Variants in PRR14L observed in about 807,000 individuals in gnomAD.
The protein encoded by PRR14L is protein PRR14L.
In PRR14L, 80 loss-of-function variants were observed where a neutral mutation model predicts 155.0. The ratio of observed to expected loss-of-function variants is 0.52; its 90% confidence interval spans 0.43 to 0.62. The LOEUF (loss-of-function observed/expected upper bound fraction) is 0.62, where lower values mean the gene tolerates loss of function less well. Ranked by LOEUF, PRR14L falls within the 20% of genes least tolerant of loss-of-function variation. PRR14L has a pLI of 0.00. For synonymous variants in PRR14L, 883 were observed against 916.0 expected, an observed-to-expected ratio of 0.96 and a Z score of 0.65; for missense variants, 2,469 against 2,548.0, an observed-to-expected ratio of 0.97 and a Z score of 0.67.
intron 7 of PRR14L, among the ~76,000 whole-genome samples, chr22:31,693,947 C>T (rs2147853815): frequency 6.6e-6 from 1 of 152,220 alleles, no homozygotes; most frequent in Non-Finnish European, 1.5e-5. Flanking sequence ...CTTCATTATT[C>T]ATATTTTCAA....
In PRR14L at chr22:31,704,678, A is replaced by G. The variant is rs781571427; in HGVS notation, c.5805T>C (p.Tyr1935=). ...ACCTCGTCTGACTGCCGCTGGTGTT[A>G]TATGTAGCTTCCATGCCTGGAAGAG... ...YVPLPGMEAT[Y]NTSGSQTRLE... Residue 1935 remains tyrosine (Y), a synonymous_variant, in exon 5 of 9, where the codon TAT becomes TAC. Transcript: ENST00000327423. The G allele has an allele frequency of 1.5e-5, 24 of 1,613,848 alleles. No homozygotes were observed. Among genetic ancestry groups the G allele is most frequent in the Non-Finnish European group, 1.8e-5 (21 of 1,179,924 alleles).
intron 7 of PRR14L, among the ~76,000 whole-genome samples, chr22:31,698,915 G>A (rs1488495447): frequency 6.7e-6 from 1 of 149,996 alleles, no homozygotes; most frequent in Non-Finnish European, 1.5e-5. Flanking sequence ...GAGCGAGACT[G>A]TGTAAAAAAA....
In PRR14L at chr22:31,712,857, T is replaced by C. The variant is rs1219810216; in HGVS notation, c.4982A>G (p.Asp1661Gly). ...YKRLRYKRLL[D>G]GFSSSTEQLN... ...CTGCTCTGTGCTGGATGAAAATCCGTCCAGGAGTCTTTTATATCTGAGGCG... is the reference window on the plus strand; with the variant it reads ...CTGCTCTGTGCTGGATGAAAATCCGCCCAGGAGTCTTTTATATCTGAGGCG... The change falls in exon 4 of 9, where the codon GAC (aspartate) becomes GGC (glycine). Residue 1661 changes from aspartate (D) to glycine (G), a missense_variant. Coordinates refer to ENST00000327423, the MANE Select transcript of PRR14L (RefSeq NM_173566.3). 7 of 1,551,890 alleles carry C rather than the reference T, an allele frequency of 4.5e-6. No individual in the cohort carries two copies. The African/African-American group carries it at 9.6e-5, about 21-fold the overall frequency.
intron 7 of PRR14L, among the ~76,000 whole-genome samples, chr22:31,692,056 T>C (rs558110873): frequency 2.3e-4 from 35 of 151,962 alleles, no homozygotes; most frequent in African/African-American, 8.4e-4. Flanking sequence ...TTAGTGGAGA[T>C]GGGGTTTCAC....
Position 31,713,440 on chromosome 22 carries a change from G to C in PRR14L, c.4399C>G (p.Gln1467Glu). Residue 1467 changes from glutamine (Q) to glutamate (E), a missense_variant, in exon 4 of 9, where the codon CAG becomes GAG. Physicochemically the swap from Gln to Glu is conservative, Grantham distance 29. Coordinates refer to ENST00000327423, the MANE Select transcript of PRR14L (RefSeq NM_173566.3). ...GGATGATGTAACCTTTCCTCCTTCT[G>C]GTCTTCTAACTTCTGAGTCTGTGCC... ...IVAQTQKLED[Q>E]KEERLHHPLR... 6.4e-7 allele frequency: 1 copy of C among 1,551,714 alleles called. No homozygotes were observed.
chr22:31,685,911 G>A (rs2074479844), intron 8 of PRR14L, 108 bp from the exon 9 acceptor site: 7 of 981,638 alleles, frequency 7.1e-6, no homozygotes, highest in South Asian at 1.7e-5. Flanking sequence ...AGTCAACAGG[G>A]ACTGAAAGCT....
chr22:31,728,005 T>G (rs939043581), intron 2 of PRR14L, among the ~76,000 whole-genome samples: 1 of 150,428 alleles, frequency 6.6e-6, no homozygotes, highest in African/African-American at 2.4e-5. Flanking sequence ...GAAAAGAAAT[T>G]GAATCAATCG....
chr22:31,728,877 T>C (rs555067210), intron 2 of PRR14L, among the ~76,000 whole-genome samples: 11 of 152,292 alleles, frequency 7.2e-5, no homozygotes, highest in Admixed American at 2.0e-4. Flanking sequence ...CTATAGCTTA[T>C]ATGTAAGCAC....
chr22:31,686,799 G>A (rs963566345), intron 8 of PRR14L, among the ~76,000 whole-genome samples: 2 of 152,044 alleles, frequency 1.3e-5, no homozygotes, highest in African/African-American at 4.8e-5. Flanking sequence ...ATAAGTAATT[G>A]TACAAATGTG....
intron 3 of PRR14L, among the ~76,000 whole-genome samples, chr22:31,721,420 T>A (rs1452766476): frequency 6.6e-6 from 1 of 151,988 alleles, no homozygotes; most frequent in African/African-American, 2.4e-5. Flanking sequence ...TACAAAAAAT[T>A]AGCCGGGCAT....
intron 4 of PRR14L, among the ~76,000 whole-genome samples, chr22:31,710,411 C>CAAAAA (rs1356252154): frequency 6.6e-6 from 1 of 151,640 alleles, no homozygotes; most frequent in Admixed American, 6.6e-5. Flanking sequence ...TAAATAATTA[C>CAAAAA]AAAGAGGAGA....
chr22:31,687,035 CTTTT>C (rs1336085821), intron 8 of PRR14L, among the ~76,000 whole-genome samples: 1 of 152,104 alleles, frequency 6.6e-6, no homozygotes, highest in Non-Finnish European at 1.5e-5. Flanking sequence ...GTTTATACTT[CTTTT>C]TTCTTTTTCA....
chr22:31,733,709 C>T (rs1343390632), intron 2 of PRR14L, among the ~76,000 whole-genome samples: 1 of 152,148 alleles, frequency 6.6e-6, no homozygotes. Context: ...GCATTCCCAC[C>T]AGCAATGTAT....
rs1416231862 is a variant in PRR14L, at chr22:31,713,558, A to C, written c.4281T>G (p.Asp1427Glu). ...QCISSSLLLD[D>E]AQNQNQPKAD... ...CCTTCGGTTGGTTCTGATTTTGTGC[A>C]TCATCTAACAACAGACTAGATGATA... Residue 1427 changes from aspartate (D) to glutamate (E), a missense_variant, in exon 4 of 9, where the codon GAT becomes GAG. By Grantham distance (45) the Asp-to-Glu change is conservative. This residue lies in a region of PRR14L where 2,363 missense variants were observed against 2,371.6 expected (regional missense o/e 1.00). Coordinates refer to ENST00000327423, the MANE Select transcript of PRR14L (RefSeq NM_173566.3). 1.9e-6 allele frequency: 3 copies of C among 1,552,004 alleles called. No homozygotes were observed. Among genetic ancestry groups the C allele is most frequent in the Non-Finnish European group, 1.7e-6 (2 of 1,147,090 alleles).
chr22:31,717,068 A>G lies in PRR14L; in HGVS notation c.771T>C (p.Phe257=). The change falls in exon 4 of 9, where the codon TTT becomes TTC. Residue 257 remains phenylalanine, a synonymous_variant. Transcript: ENST00000327423. ...STLVTPEPLT[F]VDPVLTEATP... ...TTGCTTCTGTTAATACAGGGTCCAC[A>G]AAGGTTAAAGGTTCTGGGGTAACTA... 6.4e-7 allele frequency: 1 copy of G among 1,551,936 alleles called. No homozygotes were observed. Among genetic ancestry groups the G allele is most frequent in the South Asian group, 1.2e-5 (1 of 84,064 alleles).
chr22:31,717,206 A>G lies in PRR14L; in HGVS notation c.633T>C (p.Asn211=), dbSNP rs762862958. ...CATTGCCATTTTTGTGTCCTTCATT[A>G]TTATCCGTCTTAGTCCCATTGACCT... ...GMKVNGTKTD[N]NEGHKNGNVS... is the part of the protein sequence containing the mutation. Residue 211 remains asparagine, a synonymous_variant, in exon 4 of 9, where the codon AAT becomes AAC. Coordinates refer to ENST00000327423, the MANE Select transcript of PRR14L (RefSeq NM_173566.3). 2.4e-5 allele frequency: 38 copies of G among 1,552,084 alleles called. No individual in the cohort carries two copies. The highest frequency in any genetic ancestry group is 7.8e-5 in the Admixed American group (4 of 50,996).
chr22:31,712,348 A>G lies in PRR14L; in HGVS notation c.5491T>C (p.Cys1831Arg), dbSNP rs1458168538. ...HTLLALCSPG[C>R]YRIWTKKRSF... ...CGTTTTTTTGTCCAGATTCGGTAAC[A>G]TCCTGGGGAACAAAGTGCTAGAAGT... Residue 1831 changes from cysteine (C) to arginine (R), a missense_variant, in exon 4 of 9, where the codon TGT (cysteine) becomes CGT (arginine). Around this residue, in one of 2 missense-constraint regions of PRR14L, gnomAD observed 2,363 missense variants for 2,371.6 expected, o/e 1.00. Coordinates refer to ENST00000327423, the MANE Select transcript of PRR14L (RefSeq NM_173566.3). The G allele has an allele frequency of 1.2e-6, 2 of 1,613,936 alleles. No homozygotes were observed. The highest frequency in any genetic ancestry group is 1.1e-5 in the South Asian group (1 of 91,072).
chr22:31,741,381 G>A (rs773799940), intron 1 of PRR14L, among the ~76,000 whole-genome samples: 2 of 151,832 alleles, frequency 1.3e-5, no homozygotes, highest in Non-Finnish European at 2.9e-5. Context: ...AGAATCGCTT[G>A]AACCTGGGAG....
intron 7 of PRR14L, among the ~76,000 whole-genome samples, chr22:31,690,269 G>C (rs145958630): frequency 1.3e-5 from 2 of 151,720 alleles, no homozygotes; most frequent in Non-Finnish European, 2.9e-5. Context: ...AGATGGTCTC[G>C]AACTCCTGAC....
Sources: allele counts gnomAD v4.1 joint callset (sites outside exome capture counted in the v4.1 genomes callset), GRCh38; gene constraint gnomAD v4.1.1; regional missense constraint gnomAD v4.1.1; transcripts MANE v1.5; gene names NCBI Gene and HGNC (gene_info 2026-07-23, HGNC 2026-07-21).